The following ARSD variants were observed in gnomAD, a reference collection of about 807,000 sequenced individuals.
The protein encoded by ARSD is testis tissue sperm-binding protein Li 39a.
In ARSD, 21 loss-of-function variants were observed where a neutral mutation model predicts 32.6. The observed-to-expected ratio is 0.64, with a 90% CI of 0.46 to 0.93. The LOEUF (loss-of-function observed/expected upper bound fraction) is 0.93. Among genes scored for constraint, ARSD ranks in the 40% least tolerant of loss-of-function variants. ARSD has a pLI of 0.00. For synonymous variants in ARSD, 224 were observed against 237.4 expected (o/e 0.94, Z 0.52); for missense variants, 454 against 520.9 (o/e 0.87, Z 1.25).
At chrX:2,920,302 G>A (rs2089016266) in intron 4 of ARSD, 12 of 294,352 alleles carry the variant, frequency 4.1e-5, no homozygotes, top group Non-Finnish European at 6.0e-5. Flanking sequence ...GGCATGAGAT[G>A]GACCAGGCAC....
chrX:2,917,981 G>A lies in ARSD; in HGVS notation c.686C>T (p.Ala229Val), dbSNP rs774349979. The A allele has an allele frequency of 2.5e-6, 3 of 1,209,779 alleles. No individual in the cohort carries two copies. Among genetic ancestry groups the A allele is most frequent in the Non-Finnish European group, 3.4e-6 (3 of 894,734 alleles). ...GCCCACGCCGGCCATGCCGGTGACT[G>A]CTCTCGCGGAGACAGAGAAGAAACC... is the stretch of plus-strand genomic sequence containing the variant. Reference protein sequence around the residue: ...TCGFFSVSARAVTGMAGVGCL... With the variant: ...TCGFFSVSARVVTGMAGVGCL... Residue 229 changes from alanine to valine, a missense_variant, in exon 5 of 10, where the codon GCA becomes GTA. Physicochemically the swap from Ala to Val is moderately conservative, Grantham distance 64. Transcript: ENST00000381154.
At chrX:2,926,699 A>G (rs2089085524) in intron 1 of ARSD, among the ~76,000 whole-genome samples, 1 of 112,652 alleles carries the variant, frequency 8.9e-6, no homozygotes. Context: ...TGAGTAAGCA[A>G]GAAGAAGATG....
chrX:2,916,489 G>A (rs211651), intron 5 of ARSD, among the ~76,000 whole-genome samples: 2 of 109,931 alleles, frequency 1.8e-5, no homozygotes, highest in African/African-American at 3.3e-5. Flanking sequence ...CAGAGCCAAC[G>A]CTGTCTCAGA....
rs779428040 is a variant in ARSD at position 2,923,394 on chromosome X, T to C, written c.195-1370A>G. ...GAGGCTGAGGTGAGAGCCTAGGAGA[T>C]GGAGGTTGCAGTGAGCTGTGATCAT... is the stretch of plus-strand genomic sequence containing the variant. On this transcript the variant is annotated intron_variant, in intron 2 of 9. Transcript: ENST00000381154. 8 of 154,514 alleles carry C rather than the reference T, an allele frequency of 5.2e-5. No homozygotes were observed. In the South Asian group the frequency reaches 8.6e-4, roughly 17 times the overall value. The allele number at this position is 154,514 out of a possible 1,213,427, so 12.7% of individuals were successfully genotyped here. A position where few individuals can be genotyped will look rare whatever the true frequency, so the allele number is the denominator to read the frequency against.
chrX:2,922,909 A>G (rs1176147691), intron 2 of ARSD, among the ~76,000 whole-genome samples: 1 of 108,305 alleles, frequency 9.2e-6, no homozygotes, highest in African/African-American at 3.4e-5. Context: ...AAAGAAAGAA[A>G]AGGAGCCAAA....
chrX:2,920,735 A>G lies in ARSD; in HGVS notation c.317-12T>C. The G allele has an allele frequency of 1.7e-6, 2 of 1,208,109 alleles. No homozygotes were observed. Among genetic ancestry groups the G allele is most frequent in the Middle Eastern group, 2.4e-4 (1 of 4,117 alleles). Reference sequence around the variant, plus strand: ...GCTGGCGTCCATGCCTGTGGGGCAGAGAAGACAGGAAGAATTTACTTTCCT... The same window carrying G: ...GCTGGCGTCCATGCCTGTGGGGCAGGGAAGACAGGAAGAATTTACTTTCCT... On this transcript the variant is annotated splice_polypyrimidine_tract_variant and intron_variant, in intron 3 of 9. Coordinates refer to ENST00000381154, the MANE Select transcript of ARSD (RefSeq NM_001669.4).
intron 2 of ARSD, among the ~76,000 whole-genome samples, chrX:2,924,547 G>A (rs938048285): frequency 4.4e-5 from 5 of 113,254 alleles, no homozygotes; most frequent in Admixed American, 3.7e-4. Flanking sequence ...CCACTCAAGC[G>A]CTCTGCTGGT....
intron 6 of ARSD, chrX:2,914,451 G>A (rs2088933904): frequency 1.5e-6 from 1 of 668,053 alleles, no homozygotes; most frequent in Non-Finnish European, 1.9e-6. Flanking sequence ...TGTTGCCCAG[G>A]CTGGTCTTGA....
chrX:2,914,546 T>C, intron 6 of ARSD: 1 of 968,845 alleles, frequency 1.0e-6, no homozygotes, highest in East Asian at 6.5e-5. Context: ...CACCTGAAAA[T>C]GCAGACTTTT....
chrX:2,924,093 C>A (rs1486797391), intron 2 of ARSD, among the ~76,000 whole-genome samples: 2 of 112,403 alleles, frequency 1.8e-5, no homozygotes, highest in African/African-American at 6.5e-5. Context: ...AATGCAGTGG[C>A]GCAACCTCAG....
intron 4 of ARSD, among the ~76,000 whole-genome samples, chrX:2,918,966 A>T (rs2147322478): frequency 9.2e-6 from 1 of 108,384 alleles, no homozygotes; most frequent in South Asian, 4.0e-4. Context: ...ATGCAAAAAA[A>T]ATTAGCCAGG....
intron 2 of ARSD, chrX:2,923,327 A>G: frequency 4.7e-6 from 1 of 212,779 alleles, no homozygotes; most frequent in Non-Finnish European, 9.2e-6. Flanking sequence ...TACAAAAATT[A>G]GCTGGGCGTG....
intron 8 of ARSD, 128 bp from the exon 9 acceptor site, chrX:2,908,970 C>A: frequency 1.0e-6 from 1 of 1,003,022 alleles, no homozygotes; most frequent in Non-Finnish European, 1.4e-6. Flanking sequence ...GCTGTCTCTC[C>A]AGTCGCTGTT....
intron 1 of ARSD, among the ~76,000 whole-genome samples, chrX:2,927,293 CTT>C (rs916253204): frequency 3.7e-5 from 4 of 107,247 alleles, no homozygotes; most frequent in African/African-American, 6.9e-5. Flanking sequence ...GAGTTTCACT[CTT>C]GTCGCCCAGG....
rs2089125907 is a variant in ARSD, at chrX:2,929,213, G to C, written c.44+19C>G. On this transcript the variant is annotated intron_variant, in intron 1 of 9. Coordinates refer to ENST00000381154, the MANE Select transcript of ARSD (RefSeq NM_001669.4). ...CACCCTAGGCCTTAGTATGGGCCGC[G>C]TCCCGGGGTCCCAGGCACCTGGCGG... The C allele has an allele frequency of 9.6e-7, 1 of 1,039,615 alleles. No homozygotes were observed. The highest frequency in any genetic ancestry group is 2.0e-5 in the African/African-American group (1 of 50,240). The allele number at this position is 1,039,615 out of a possible 1,213,427, so 85.7% of individuals were successfully genotyped here.
At chrX:2,920,459 T>C (rs778260061) in intron 4 of ARSD, 142 bp downstream of exon 4, 11 of 871,806 alleles carry the variant, frequency 1.3e-5, no homozygotes, top group African/African-American at 2.1e-5. Context: ...CAACCTCCGC[T>C]TCCCGGGTTC....
intron 5 of ARSD, among the ~76,000 whole-genome samples, chrX:2,916,757 A>G (rs1271285793): frequency 9.0e-6 from 1 of 111,473 alleles, no homozygotes; most frequent in Non-Finnish European, 1.9e-5. Flanking sequence ...GAAGTGGTTT[A>G]AAGAGTACAA....
At chrX:2,923,013 C>T (rs1366424064) in intron 2 of ARSD, among the ~76,000 whole-genome samples, 2 of 111,067 alleles carry the variant, frequency 1.8e-5, no homozygotes, top group Non-Finnish European at 1.9e-5. Context: ...ACATAAAAGA[C>T]CACAGGTTAC....
intron 5 of ARSD, among the ~76,000 whole-genome samples, chrX:2,916,587 A>G (rs1340358798): frequency 1.8e-5 from 2 of 111,895 alleles, no homozygotes; most frequent in African/African-American, 6.5e-5. Flanking sequence ...AGCAATACAG[A>G]TGAAACAGGA....
Sources: allele counts gnomAD v4.1 joint callset (sites outside exome capture counted in the v4.1 genomes callset), GRCh38; gene constraint gnomAD v4.1.1; transcripts MANE v1.5; gene names NCBI Gene and HGNC (gene_info 2026-07-23, HGNC 2026-07-21).